The following TRIM16 variants were observed in gnomAD, a reference collection of about 807,000 sequenced individuals.
TRIM16 encodes tripartite motif containing 16, also known as tripartite motif-containing protein 16.
TRIM16 carries 33 observed loss-of-function variants against 50.4 expected under a neutral mutation model. The observed-to-expected ratio is 0.65, with a 90% confidence interval of 0.50 to 0.88. The LOEUF is 0.88. Ranked by LOEUF, TRIM16 falls within the 40% of genes least tolerant of loss-of-function variation. The pLI, the probability that TRIM16 is intolerant of heterozygous loss-of-function variation, is 0.00. For missense variants in TRIM16, 581 were observed against 686.8 expected (o/e 0.85, Z 1.72); for synonymous variants, 229 against 270.7 (o/e 0.85, Z 1.51).
intron 7 of TRIM16, among the ~76,000 whole-genome samples, chr17:15,648,124 G>T (rs1422280922): frequency 1.1e-4 from 17 of 152,102 alleles, no homozygotes; most frequent in African/African-American, 3.9e-4. Context: ...TACTCGGGAG[G>T]CTGAGGCAGG....
At chr17:15,672,690 G>A (rs913385062) in intron 6 of TRIM16, among the ~76,000 whole-genome samples, 40 of 152,170 alleles carry the variant, frequency 2.6e-4, no homozygotes, top group African/African-American at 8.2e-4. Context: ...CTGTGATGGC[G>A]TCACTGCACT....
At chr17:15,650,703 A>G (rs1987644687) in intron 7 of TRIM16, among the ~76,000 whole-genome samples, 1 of 152,186 alleles carries the variant, frequency 6.6e-6, no homozygotes, top group Non-Finnish European at 1.5e-5. Context: ...ATTAATTGAC[A>G]ATGGATGTGC....
At chr17:15,678,776 TATC>T (rs931813134) in intron 4 of TRIM16, among the ~76,000 whole-genome samples, 2 of 152,078 alleles carry the variant, frequency 1.3e-5, no homozygotes, top group South Asian at 2.1e-4. Context: ...AAGTGGGAGA[TATC>T]ATAATAAAAA....
intron 6 of TRIM16, among the ~76,000 whole-genome samples, chr17:15,663,384 T>C (rs1988332008): frequency 2.0e-5 from 3 of 152,186 alleles, no homozygotes; most frequent in Admixed American, 6.5e-5. Context: ...GCCCTGCCCA[T>C]GAAGAGCACA....
intron 6 of TRIM16, among the ~76,000 whole-genome samples, chr17:15,659,321 G>A (rs916106650): frequency 6.6e-6 from 1 of 152,152 alleles, no homozygotes; most frequent in Non-Finnish European, 1.5e-5. Context: ...TGGCTGTGGT[G>A]CACGGGCACC....
intron 1 of TRIM16, chr17:15,683,676 T>C (rs1260624952): frequency 1.3e-5 from 2 of 157,048 alleles, no homozygotes; most frequent in Non-Finnish European, 2.8e-5. Context: ...CACCACTTAA[T>C]AGTAGGTACA....
intron 6 of TRIM16, among the ~76,000 whole-genome samples, chr17:15,666,315 C>T (rs1373313870): frequency 1.3e-5 from 2 of 152,188 alleles, no homozygotes; most frequent in Non-Finnish European, 2.9e-5. Context: ...CTCCTGCTCT[C>T]AAGTGATCCT....
chr17:15,630,142 G>T (rs1049214082), intron 11 of TRIM16, among the ~76,000 whole-genome samples: 3 of 151,654 alleles, frequency 2.0e-5, no homozygotes, highest in Non-Finnish European at 4.4e-5. Flanking sequence ...CATTTCCACC[G>T]TGCTGACCTC....
At chr17:15,678,005 C>A (rs974609990) in intron 4 of TRIM16, among the ~76,000 whole-genome samples, 3 of 152,196 alleles carry the variant, frequency 2.0e-5, no homozygotes, top group Non-Finnish European at 4.4e-5. Context: ...ATCACGAGGT[C>A]AGGAGATCGA....
At chr17:15,667,239 G>A (rs1211147420) in intron 6 of TRIM16, among the ~76,000 whole-genome samples, 3 of 152,044 alleles carry the variant, frequency 2.0e-5, no homozygotes, top group Admixed American at 1.3e-4. Context: ...CAATGATGCA[G>A]GAGCAATAGT....
At chr17:15,637,120 G>A (rs1192614178) in intron 8 of TRIM16, among the ~76,000 whole-genome samples, 1 of 138,886 alleles carries the variant, frequency 7.2e-6, no homozygotes, top group Non-Finnish European at 1.6e-5. Flanking sequence ...GGAGGTGGGG[G>A]GGGGGGGTCA....
At chr17:15,658,025 C>A (rs916988331) in intron 6 of TRIM16, among the ~76,000 whole-genome samples, 3 of 152,202 alleles carry the variant, frequency 2.0e-5, no homozygotes, top group African/African-American at 7.2e-5. Context: ...AGGTGTGGTT[C>A]AGGATTCCTT....
At chr17:15,637,991 A>G (rs374413917) in intron 8 of TRIM16, among the ~76,000 whole-genome samples, 43 of 141,192 alleles carry the variant, frequency 3.0e-4, no homozygotes, top group African/African-American at 1.1e-3. Context: ...GTCCACTCAG[A>G]GTTAAATGGA....
At chr17:15,667,227 C>T (rs1029383970) in intron 6 of TRIM16, among the ~76,000 whole-genome samples, 25 of 152,074 alleles carry the variant, frequency 1.6e-4, no homozygotes, top group Admixed American at 2.0e-4. Flanking sequence ...TTGTCATTTG[C>T]GCAATGATGC....
At chr17:15,633,507 A>G (rs867733981) in intron 9 of TRIM16, among the ~76,000 whole-genome samples, 42 of 143,610 alleles carry the variant, frequency 2.9e-4, no homozygotes, top group East Asian at 8.4e-4. Flanking sequence ...AATTTGGGGG[A>G]AAACGTTATC....
At chr17:15,636,544 C>A (rs1256330506) in intron 8 of TRIM16, among the ~76,000 whole-genome samples, 1 of 148,384 alleles carries the variant, frequency 6.7e-6, no homozygotes, top group African/African-American at 2.5e-5. Context: ...GATTGTTAGT[C>A]AAGTTTCCGA....
Position 15,636,114 on chromosome 17 carries a change from G to A in TRIM16, c.771C>T (p.Tyr257=). The change falls in exon 9 of 12, where the codon TAC becomes TAT. Residue 257 remains tyrosine, a synonymous_variant. Coordinates refer to ENST00000649191, the MANE Select transcript of TRIM16 (RefSeq NM_001348119.1). Reference sequence around the variant, plus strand: ...TGCTCTTCTCCATCTCGGCACTCCTGTACTCCAGGTGGGCCTTGATACCGT... The same window carrying A: ...TGCTCTTCTCCATCTCGGCACTCCTATACTCCAGGTGGGCCTTGATACCGT... ...QANGIKAHLE[Y]RSAEMEKSKQ... The A allele has an allele frequency of 3.7e-6, 6 of 1,609,834 alleles. 1 individual carries two copies. The highest frequency in any genetic ancestry group is 5.1e-6 in the Non-Finnish European group (6 of 1,178,878).
chr17:15,664,889 A>C (rs922678537), intron 6 of TRIM16, among the ~76,000 whole-genome samples: 3 of 152,018 alleles, frequency 2.0e-5, no homozygotes, highest in African/African-American at 7.2e-5. Context: ...AAAATTAGCC[A>C]GGTGTGGTGG....
intron 11 of TRIM16, among the ~76,000 whole-genome samples, chr17:15,631,032 T>C (rs1356927492): frequency 2.6e-5 from 4 of 152,052 alleles, no homozygotes; most frequent in African/African-American, 9.7e-5. Context: ...GTTTTAAAAA[T>C]GCTAATGGAC....
Sources: allele counts gnomAD v4.1 joint callset (sites outside exome capture counted in the v4.1 genomes callset), GRCh38; gene constraint gnomAD v4.1.1; transcripts MANE v1.5; gene names NCBI Gene and HGNC (gene_info 2026-07-23, HGNC 2026-07-21).